SATB2: variants seen among roughly 807,000 people sequenced by gnomAD.
The protein encoded by SATB2 is DNA-binding protein SATB2.
SATB2 carries 1 observed loss-of-function variant against 73.4 expected under a neutral mutation model. The observed-to-expected ratio is 0.01, with a 90% confidence interval of 0.00 to 0.06. The LOEUF (loss-of-function observed/expected upper bound fraction) is 0.06. Among genes scored for constraint, SATB2 ranks in the 10% least tolerant of loss-of-function variants. The pLI is 1.00. For synonymous variants in SATB2, 397 were observed against 367.0 expected, an observed-to-expected ratio of 1.08 and a Z score of -0.93; for missense variants, 459 against 945.8, an observed-to-expected ratio of 0.49 and a Z score of 6.75.
Position 199,433,527 on chromosome 2 carries a change from A to C in SATB2, c.170-13T>G. The C allele has an allele frequency of 6.2e-7, 1 of 1,613,494 alleles. No individual in the cohort carries two copies. Among genetic ancestry groups the C allele is most frequent in the Non-Finnish European group, 8.5e-7 (1 of 1,179,378 alleles). ...GGAATCATCAAACCTGAAGGGACAA[A>C]ATTCAAGAGCAAAACACAAACATTA... On this transcript the variant is annotated splice_polypyrimidine_tract_variant and intron_variant, in intron 2 of 10. Coordinates refer to ENST00000417098, the MANE Select transcript of SATB2 (RefSeq NM_001172509.2).
chr2:199,396,145 G>C (rs902316608), intron 3 of SATB2: 2 of 152,166 alleles, frequency 1.3e-5, no homozygotes, highest in African/African-American at 4.8e-5. Context: ...TCTGCAGATA[G>C]GGCCCAATTT....
intron 9 of SATB2, among the ~76,000 whole-genome samples, chr2:199,315,329 G>A (rs183226326): frequency 1.3e-5 from 2 of 151,948 alleles, no homozygotes; most frequent in Admixed American, 6.6e-5. Flanking sequence ...ATAAATGAGT[G>A]ACATATCCTC....
chr2:199,279,958 T>C (rs566594064), intron 10 of SATB2, among the ~76,000 whole-genome samples: 26 of 152,248 alleles, frequency 1.7e-4, no homozygotes, highest in African/African-American at 6.0e-4. Flanking sequence ...CTGGACAACA[T>C]GGTAAAACCC....
chr2:199,273,642 A>G (rs1009075640), intron 10 of SATB2, among the ~76,000 whole-genome samples: 4 of 152,198 alleles, frequency 2.6e-5, no homozygotes, highest in Non-Finnish European at 4.4e-5. Flanking sequence ...TTAAACGACC[A>G]TTTTATACTT....
intron 10 of SATB2, among the ~76,000 whole-genome samples, chr2:199,301,844 G>A (rs1426336633): frequency 6.6e-6 from 1 of 152,128 alleles, no homozygotes; most frequent in Non-Finnish European, 1.5e-5. Flanking sequence ...TGGAAGTAAA[G>A]CTTGTAGTGG....
intron 3 of SATB2, among the ~76,000 whole-genome samples, chr2:199,415,786 T>G (rs1343464930): frequency 6.6e-6 from 1 of 152,220 alleles, no homozygotes; most frequent in Non-Finnish European, 1.5e-5. Context: ...CTGGGGCACC[T>G]GCACTGTGAC....
At chr2:199,431,342 A>G (rs1691495493) in intron 3 of SATB2, among the ~76,000 whole-genome samples, 1 of 152,194 alleles carries the variant, frequency 6.6e-6, no homozygotes, top group African/African-American at 2.4e-5. Flanking sequence ...AAACAATTCT[A>G]AGTTTTTCCA....
intron 10 of SATB2, among the ~76,000 whole-genome samples, chr2:199,279,787 A>G (rs1265849860): frequency 2.8e-4 from 42 of 152,228 alleles, no homozygotes; most frequent in Admixed American, 2.7e-3. Flanking sequence ...CATTTTTTAG[A>G]ACAGAACATA....
chr2:199,410,662 G>T (rs2105902633), intron 3 of SATB2, among the ~76,000 whole-genome samples: 1 of 152,282 alleles, frequency 6.6e-6, no homozygotes, highest in East Asian at 1.9e-4. Flanking sequence ...GGAATATTTA[G>T]ATTGCAGTTC....
intron 10 of SATB2, among the ~76,000 whole-genome samples, chr2:199,289,509 C>T (rs1442430405): frequency 1.3e-5 from 2 of 152,152 alleles, no homozygotes; most frequent in Non-Finnish European, 2.9e-5. Context: ...AAAACAAGTC[C>T]AATTGTGTCT....
chr2:199,349,306 T>C, intron 6 of SATB2, 133 bp from the exon 7 acceptor site: 1 of 717,370 alleles, frequency 1.4e-6, no homozygotes, highest in East Asian at 2.7e-5. Context: ...CGATGGAAGC[T>C]CCAGCATAAA....
At chr2:199,356,450 C>T (rs1351273569) in intron 6 of SATB2, among the ~76,000 whole-genome samples, 1 of 152,008 alleles carries the variant, frequency 6.6e-6, no homozygotes, top group Admixed American at 6.6e-5. Flanking sequence ...CATATGAATG[C>T]CTTAAATTTA....
At chr2:199,389,022 A>G (rs537162909) in intron 3 of SATB2, among the ~76,000 whole-genome samples, 42 of 152,266 alleles carry the variant, frequency 2.8e-4, no homozygotes, top group Non-Finnish European at 5.6e-4. Context: ...TTATCCATAA[A>G]TCAGTTCACA....
intron 8 of SATB2, 108 bp downstream of exon 8, chr2:199,328,590 G>A: frequency 1.3e-6 from 1 of 761,786 alleles, no homozygotes; most frequent in East Asian, 2.7e-5. Flanking sequence ...AAAAAGGAAA[G>A]AAATCCTTGA....
intron 6 of SATB2, 122 bp from the exon 7 acceptor site, chr2:199,349,295 A>G (rs1433511442): frequency 1.7e-5 from 13 of 758,450 alleles, no homozygotes. Context: ...TTTTCATACA[A>G]CGATGGAAGC....
At chr2:199,276,390 C>T (rs1223098475) in intron 10 of SATB2, among the ~76,000 whole-genome samples, 1 of 152,140 alleles carries the variant, frequency 6.6e-6, no homozygotes, top group Admixed American at 6.5e-5. Context: ...GTCTGAATCT[C>T]TCAGAACATC....
At chr2:199,407,455 C>G (rs1690668059) in intron 3 of SATB2, among the ~76,000 whole-genome samples, 1 of 151,940 alleles carries the variant, frequency 6.6e-6, no homozygotes, top group South Asian at 2.1e-4. Flanking sequence ...AGCAGAGAAA[C>G]AAGTAGGAAT....
At chr2:199,445,106 T>TG (rs1489122943) in intron 2 of SATB2, among the ~76,000 whole-genome samples, 5 of 152,222 alleles carry the variant, frequency 3.3e-5, no homozygotes, top group Non-Finnish European at 7.3e-5. Flanking sequence ...TTACAATAAA[T>TG]GCTTAGTTTG....
intron 3 of SATB2, among the ~76,000 whole-genome samples, chr2:199,422,927 A>C (rs1263852387): frequency 1.3e-5 from 2 of 152,212 alleles, no homozygotes; most frequent in Non-Finnish European, 2.9e-5. Context: ...TAATTGTAAC[A>C]ATGTTACATT....
Sources: allele counts gnomAD v4.1 joint callset (sites outside exome capture counted in the v4.1 genomes callset), GRCh38; gene constraint gnomAD v4.1.1; transcripts MANE v1.5; gene names NCBI Gene and HGNC (gene_info 2026-07-23, HGNC 2026-07-21).